PITHD1: variants seen among roughly 807,000 people sequenced by gnomAD.
PITHD1 encodes the protein PITH domain-containing protein 1.
PITHD1 carries 8 observed loss-of-function variants against 27.5 expected under a neutral mutation model. The ratio of observed to expected loss-of-function variants is 0.29; its 90% CI spans 0.17 to 0.52. The LOEUF (loss-of-function observed/expected upper bound fraction) is 0.52, where lower values mean the gene tolerates loss of function less well. Among genes scored for constraint, PITHD1 ranks in the 20% least tolerant of loss-of-function variants. The probability of loss-of-function intolerance (pLI) is 0.96; values close to 1 mark genes in which losing one functional copy is unlikely to be tolerated. For missense variants in PITHD1, 233 were observed against 283.9 expected, an observed-to-expected ratio of 0.82 and a Z score of 1.29; for synonymous variants, 118 against 106.8, an observed-to-expected ratio of 1.10 and a Z score of -0.64.
chr1:23,783,378 T>TATGC (rs1384154665), intron 3 of PITHD1, among the ~76,000 whole-genome samples: 1 of 129,416 alleles, frequency 7.7e-6, no homozygotes, highest in Non-Finnish European at 1.6e-5. Context: ...TACACATATA[T>TATGC]GTGTATATAT....
At chr1:23,778,842 T>C in intron 1 of PITHD1, 129 bp downstream of exon 1, 2 of 498,234 alleles carry the variant, frequency 4.0e-6, no homozygotes, top group Non-Finnish European at 6.4e-6. Flanking sequence ...GCCTGTCTCC[T>C]GCCAGCTCTT....
In PITHD1 at chr1:23,778,564, G is replaced by C; in HGVS notation, c.49G>C (p.Glu17Gln). The C allele has an allele frequency of 7.5e-7, 1 of 1,341,418 alleles. No individual in the cohort carries two copies. The highest frequency in any genetic ancestry group is 1.9e-5 in the South Asian group (1 of 52,728). The allele number at this position is 1,341,418 out of a possible 1,614,324, so 83.1% of individuals were successfully genotyped here. Reference sequence around the variant, plus strand: ...CGGGGGTGGCTGCCGCTGCGCCGCCGAACGGGAGGAGCCGCCCGAGCAGCG... The same window carrying C: ...CGGGGGTGGCTGCCGCTGCGCCGCCCAACGGGAGGAGCCGCCCGAGCAGCG... ...HGGGGCRCAAEREEPPEQRGL... is the reference protein window; with the variant it reads ...HGGGGCRCAAQREEPPEQRGL... Residue 17 changes from glutamate (E) to glutamine (Q), a missense_variant, in exon 1 of 6, where the codon GAA becomes CAA. Glu to Gln is a conservative substitution (Grantham distance 29). Transcript: ENST00000246151.
rs369898326 is a variant in PITHD1, at chr1:23,786,444, T to C, written c.534+21T>C. On this transcript the variant is annotated intron_variant, in intron 5 of 5. Transcript: ENST00000246151. ...CTGAGGTAAGATGGGGTTGGAAAGGTTTTCCCCTCATGTCTACATATCTGC... is the reference window on the plus strand; with the variant it reads ...CTGAGGTAAGATGGGGTTGGAAAGGCTTTCCCCTCATGTCTACATATCTGC... 1.8e-5 allele frequency: 23 copies of C among 1,248,716 alleles called. No individual in the cohort carries two copies. In the Admixed American group the frequency reaches 2.2e-4, roughly 12 times the overall value. 77.4% of individuals were successfully genotyped at this position (1,248,716 alleles called of 1,614,324 possible).
At chr1:23,783,381 G>A (rs1036219209) in intron 3 of PITHD1, among the ~76,000 whole-genome samples, 1 of 123,928 alleles carries the variant, frequency 8.1e-6, no homozygotes, top group African/African-American at 3.1e-5. Flanking sequence ...ACATATATGT[G>A]TATATATACA....
At chr1:23,782,843 G>C (rs1314674220) in intron 3 of PITHD1, among the ~76,000 whole-genome samples, 1 of 151,680 alleles carries the variant, frequency 6.6e-6, no homozygotes, top group Admixed American at 6.6e-5. Flanking sequence ...GATCAAGCAG[G>C]CTGCCCACCT....
intron 3 of PITHD1, among the ~76,000 whole-genome samples, chr1:23,780,156 C>T (rs779857478): frequency 1.8e-4 from 28 of 152,190 alleles, no homozygotes; most frequent in South Asian, 2.1e-4. Context: ...AACAGCGTGT[C>T]TCATATTTCA....
chr1:23,779,960 G>C lies in PITHD1; in HGVS notation c.320+19G>C, dbSNP rs780922353. On this transcript the variant is annotated intron_variant, in intron 3 of 5. Coordinates refer to ENST00000246151, the MANE Select transcript of PITHD1 (RefSeq NM_020362.5). ...TGAGACTGTAAGTGGCAAAGGCTTA[G>C]GCCCTCAAAGGAGCTCCTAATTCTC... The C allele has an allele frequency of 8.2e-6, 12 of 1,467,760 alleles. No homozygotes were observed. Among genetic ancestry groups the C allele is most frequent in the Non-Finnish European group, 1.1e-5 (11 of 1,046,616 alleles). 90.9% of individuals were successfully genotyped at this position (1,467,760 alleles called of 1,614,324 possible).
rs1452012575 is a variant in PITHD1 at position 23,787,203 on chromosome 1, C to T, written c.535-72C>T. ...TAGAAATGAACCTGAATAAGGACTA[C>T]CGCAATGTGTGTGGTGTGGGAAAGG... On this transcript the variant is annotated intron_variant, in intron 5 of 5. Transcript: ENST00000246151. 1.5e-5 allele frequency: 14 copies of T among 921,754 alleles called. No homozygotes were observed. In the Admixed American group the frequency reaches 2.5e-4, roughly 16 times the overall value. 57.1% of individuals were successfully genotyped at this position (921,754 alleles called of 1,614,324 possible).
At chr1:23,786,841 C>T (rs1423581560) in intron 5 of PITHD1, among the ~76,000 whole-genome samples, 1 of 152,058 alleles carries the variant, frequency 6.6e-6, no homozygotes, top group African/African-American at 2.4e-5. Flanking sequence ...ATCTGCCCAT[C>T]TCAGCCTCCC....
At position 23,778,528 on chromosome 1, in the gene PITHD1, C is replaced by A; in HGVS notation, c.13C>A (p.His5Asn). The change falls in exon 1 of 6, where the codon CAC becomes AAC. Residue 5 changes from histidine (H) to asparagine (N), a missense_variant. Coordinates refer to ENST00000246151, the MANE Select transcript of PITHD1 (RefSeq NM_020362.5). MSHG[H>N]SHGGGGCRCA... Reference sequence around the variant, plus strand: ...TGGCGGCGTTGCCATGTCGCACGGTCACAGCCACGGCGGGGGTGGCTGCCG... The same window carrying A: ...TGGCGGCGTTGCCATGTCGCACGGTAACAGCCACGGCGGGGGTGGCTGCCG... 7.4e-7 allele frequency: 1 copy of A among 1,348,558 alleles called. No individual in the cohort carries two copies. The highest frequency in any genetic ancestry group is 1.9e-5 in the South Asian group (1 of 53,488). The allele number at this position is 1,348,558 out of a possible 1,614,324, so 83.5% of individuals were successfully genotyped here.
intron 3 of PITHD1, among the ~76,000 whole-genome samples, chr1:23,784,234 CTTTTTT>C (rs774484769): frequency 1.2e-5 from 1 of 81,444 alleles, no homozygotes; most frequent in East Asian, 4.0e-4. Context: ...CATTTGCTTT[CTTTTTT>C]TTTTTTTTTT....
chr1:23,780,233 A>T (rs1638576885), intron 3 of PITHD1, among the ~76,000 whole-genome samples: 2 of 152,212 alleles, frequency 1.3e-5, no homozygotes, highest in Non-Finnish European at 2.9e-5. Flanking sequence ...ATGACTCTGC[A>T]GTTTTCTTAA....
At position 23,778,559 on chromosome 1, in the gene PITHD1, C is replaced by G; in HGVS notation, c.44C>G (p.Ala15Gly). 1 of 1,341,840 alleles carries G rather than the reference C, an allele frequency of 7.5e-7. No individual in the cohort carries two copies. The highest frequency in any genetic ancestry group is 9.5e-7 in the Non-Finnish European group (1 of 1,051,154). 83.1% of individuals were successfully genotyped at this position (1,341,840 alleles called of 1,614,324 possible). Reference protein sequence around the residue: ...HSHGGGGCRCAAEREEPPEQR... With the variant: ...HSHGGGGCRCGAEREEPPEQR... ...CACGGCGGGGGTGGCTGCCGCTGCG[C>G]CGCCGAACGGGAGGAGCCGCCCGAG... The change falls in exon 1 of 6, where the codon GCC (alanine) becomes GGC (glycine). Residue 15 changes from alanine (A) to glycine (G), a missense_variant. Transcript: ENST00000246151.
At chr1:23,786,638 T>A (rs1411804309) in intron 5 of PITHD1, among the ~76,000 whole-genome samples, 8 of 146,398 alleles carry the variant, frequency 5.5e-5, no homozygotes, top group Non-Finnish European at 1.0e-4. Flanking sequence ...ATAATATATA[T>A]AATATATATA....
Position 23,779,853 on chromosome 1 carries a change from C to A in PITHD1, c.243-11C>A. The A allele has an allele frequency of 6.2e-7, 1 of 1,608,626 alleles. No homozygotes were observed. Among genetic ancestry groups the A allele is most frequent in the Non-Finnish European group, 8.5e-7 (1 of 1,174,992 alleles). ...TCAGGTTTGACAACCTTCTCTTTTG[C>A]ATTCTGGCAGATTTACGGGCAATGT... On this transcript the variant is annotated splice_polypyrimidine_tract_variant and intron_variant, in intron 2 of 5. Coordinates refer to ENST00000246151, the MANE Select transcript of PITHD1 (RefSeq NM_020362.5).
chr1:23,778,805 C>T (rs115234608), intron 1 of PITHD1, 92 bp downstream of exon 1: 17,471 of 776,492 alleles, frequency 0.022, 267 homozygotes, highest in Middle Eastern at 0.028. Context: ...AGAATAACGA[C>T]AGCCTGGTTG....
In PITHD1 at chr1:23,779,873, C is replaced by G. The variant is rs1177034976; in HGVS notation, c.252C>G (p.Gly84=). ...TTTTGCATTCTGGCAGATTTACGGG[C>G]AATGTCAAGCTCAAAGGCATCATTA... is the stretch of plus-strand genomic sequence containing the variant. The part of the protein sequence containing the change: ...EELLFNIPFT[G]NVKLKGIIIM... The change falls in exon 3 of 6, where the codon GGC becomes GGG. Residue 84 remains glycine, a synonymous_variant. Transcript: ENST00000246151. The G allele has an allele frequency of 7.4e-6, 12 of 1,612,708 alleles. No homozygotes were observed. The South Asian group carries it at 1.2e-4, about 16-fold the overall frequency.
chr1:23,786,670 A>C (rs1010039073), intron 5 of PITHD1, among the ~76,000 whole-genome samples: 1 of 149,782 alleles, frequency 6.7e-6, no homozygotes, highest in African/African-American at 2.5e-5. Context: ...GCTCACTGCG[A>C]CCTCCGCCTC....
In PITHD1 at chr1:23,778,424, C is replaced by T. The variant is rs897708879; in HGVS notation, c.-92C>T. On this transcript the variant is annotated 5_prime_UTR_variant, in exon 1 of 6. Transcript: ENST00000246151. ...CGGCAGGCGCGGCGCGCTTAGTTGC[C>T]GGAGCTGAACGGCGCGGAGCTGGTC... 2.5e-5 allele frequency: 19 copies of T among 763,768 alleles called. No homozygotes were observed. The highest frequency in any genetic ancestry group is 5.6e-4 in the Middle Eastern group (1 of 1,776). 47.3% of individuals were successfully genotyped at this position (763,768 alleles called of 1,614,324 possible).
Sources: allele counts gnomAD v4.1 joint callset (sites outside exome capture counted in the v4.1 genomes callset), GRCh38; gene constraint gnomAD v4.1.1; transcripts MANE v1.5; gene names NCBI Gene and HGNC (gene_info 2026-07-23, HGNC 2026-07-21).